Variants in FGF14 observed in about 807,000 individuals in gnomAD.
FGF14 encodes fibroblast growth factor homologous factor 4.
Under a neutral mutation model 25.5 loss-of-function variants are expected in FGF14, and 5 were observed. That is an observed-to-expected ratio of 0.20 (90% CI 0.10 to 0.41). The LOEUF (loss-of-function observed/expected upper bound fraction) is 0.41, where lower values mean the gene tolerates loss of function less well. FGF14 is among the 10% of genes least tolerant of loss of function. FGF14 has a pLI of 1.00. For synonymous variants in FGF14, 138 were observed against 118.3 expected, an observed-to-expected ratio of 1.17 and a Z score of -1.08; for missense variants, 222 against 320.1, an observed-to-expected ratio of 0.69 and a Z score of 2.34.
At chr13:102,019,388 G>C (rs773582357) in intron 1 of FGF14, among the ~76,000 whole-genome samples, 12 of 152,120 alleles carry the variant, frequency 7.9e-5, no homozygotes, top group Non-Finnish European at 1.6e-4. Flanking sequence ...CCCTCTACTA[G>C]TGAAGACTTT....
chr13:102,006,367 CTGA>C (rs2039785099), intron 1 of FGF14, among the ~76,000 whole-genome samples: 1 of 152,176 alleles, frequency 6.6e-6, no homozygotes, highest in South Asian at 2.1e-4. Flanking sequence ...ATCAACAATA[CTGA>C]TGGTGAATAC....
chr13:102,300,512 T>C (rs1371003847), intron 1 of FGF14, among the ~76,000 whole-genome samples: 1 of 152,114 alleles, frequency 6.6e-6, no homozygotes, highest in Non-Finnish European at 1.5e-5. Context: ...ATCCTCTCAG[T>C]TGCTCAAGAG....
chr13:102,337,373 G>A (rs1209199001), intron 1 of FGF14, among the ~76,000 whole-genome samples: 2 of 152,104 alleles, frequency 1.3e-5, no homozygotes, highest in Non-Finnish European at 2.9e-5. Context: ...ATTAGAAGTG[G>A]AGCCTGAAAA....
intron 1 of FGF14, among the ~76,000 whole-genome samples, chr13:101,972,069 G>A (rs769888799): frequency 3.9e-5 from 6 of 152,170 alleles, no homozygotes; most frequent in Non-Finnish European, 8.8e-5. Flanking sequence ...AAATGTTTCT[G>A]CCCCTCTACC....
At chr13:102,132,880 AG>A (rs899903192) in intron 1 of FGF14, among the ~76,000 whole-genome samples, 3 of 152,216 alleles carry the variant, frequency 2.0e-5, no homozygotes, top group Non-Finnish European at 4.4e-5. Context: ...TAAATCCAAA[AG>A]TGAGCAATGA....
intron 1 of FGF14, among the ~76,000 whole-genome samples, chr13:101,962,383 G>T (rs1426580678): frequency 6.6e-6 from 1 of 152,042 alleles, no homozygotes; most frequent in East Asian, 1.9e-4. Flanking sequence ...GTATAGGAAT[G>T]CTTATGATTT....
chr13:102,331,760 A>T (rs2056639247), intron 1 of FGF14, among the ~76,000 whole-genome samples: 1 of 152,182 alleles, frequency 6.6e-6, no homozygotes, highest in Non-Finnish European at 1.5e-5. Flanking sequence ...TGGACAAGAG[A>T]ATCATAAAAG....
chr13:102,043,435 T>A (rs1243899052), intron 1 of FGF14, among the ~76,000 whole-genome samples: 1 of 152,192 alleles, frequency 6.6e-6, no homozygotes, highest in Non-Finnish European at 1.5e-5. Context: ...CTAGGCCAGA[T>A]ACTTTGCTAA....
chr13:102,309,774 C>T (rs1030985192), intron 1 of FGF14, among the ~76,000 whole-genome samples: 3 of 152,160 alleles, frequency 2.0e-5, no homozygotes, highest in Non-Finnish European at 2.9e-5. Flanking sequence ...TTAAAATCTT[C>T]TTAGAGCACA....
intron 1 of FGF14, chr13:102,299,935 A>G (rs2138554897): frequency 6.6e-6 from 1 of 152,296 alleles, no homozygotes; most frequent in African/African-American, 2.4e-5. Flanking sequence ...TTGAACCATT[A>G]AAAGTTCGCT....
At chr13:101,998,442 T>C (rs1594942693) in intron 1 of FGF14, among the ~76,000 whole-genome samples, 3 of 152,164 alleles carry the variant, frequency 2.0e-5, no homozygotes, top group Admixed American at 2.0e-4. Context: ...TGGGAGAGAA[T>C]GGGGTGCTAT....
chr13:102,228,796 T>A (rs1413160927), intron 1 of FGF14, among the ~76,000 whole-genome samples: 1 of 152,186 alleles, frequency 6.6e-6, no homozygotes, highest in African/African-American at 2.4e-5. Flanking sequence ...TCTTAACAGT[T>A]CTGCTATACT....
At chr13:101,986,471 G>C (rs1030209359) in intron 1 of FGF14, among the ~76,000 whole-genome samples, 14 of 152,124 alleles carry the variant, frequency 9.2e-5, no homozygotes, top group African/African-American at 3.4e-4. Flanking sequence ...CTGTACCCCA[G>C]GGAATACTGA....
intron 3 of FGF14, among the ~76,000 whole-genome samples, chr13:101,809,218 C>T: frequency 6.6e-6 from 1 of 152,160 alleles, no homozygotes; most frequent in South Asian, 2.1e-4. Context: ...CATGTACATA[C>T]TCAGAAAAAT....
chr13:101,895,598 C>G (rs1184996973), intron 1 of FGF14, among the ~76,000 whole-genome samples: 1 of 152,138 alleles, frequency 6.6e-6, no homozygotes, highest in Non-Finnish European at 1.5e-5. Context: ...AGAAGGGTCA[C>G]TGAAGTGCAA....
At chr13:102,241,705 C>T (rs888273975) in intron 1 of FGF14, among the ~76,000 whole-genome samples, 4 of 152,094 alleles carry the variant, frequency 2.6e-5, no homozygotes, top group Non-Finnish European at 5.9e-5. Context: ...CCTATCCTTC[C>T]ATTACCTACA....
chr13:102,178,055 C>T (rs2048517656), intron 1 of FGF14, among the ~76,000 whole-genome samples: 1 of 152,090 alleles, frequency 6.6e-6, no homozygotes, highest in Admixed American at 6.6e-5. Flanking sequence ...TCCAGCATCA[C>T]ACCCTCACCT....
At chr13:102,160,623 G>C (rs1230061258) in intron 1 of FGF14, among the ~76,000 whole-genome samples, 1 of 151,938 alleles carries the variant, frequency 6.6e-6, no homozygotes, top group Non-Finnish European at 1.5e-5. Context: ...ACACCACTCA[G>C]TCGGCTTTGG....
At chr13:101,921,158 G>A (rs1431332390), upstream of FGF14, among the ~76,000 whole-genome samples, 12 of 152,038 alleles carry the variant, frequency 7.9e-5, 1 homozygote, top group Admixed American at 7.2e-4. Context: ...AGACTTTTTG[G>A]CTCTGTCTTG....
Sources: allele counts gnomAD v4.1 joint callset (sites outside exome capture counted in the v4.1 genomes callset), GRCh38; gene constraint gnomAD v4.1.1; transcripts MANE v1.5; gene names NCBI Gene and HGNC (gene_info 2026-07-23, HGNC 2026-07-21).